SLC7A11: variants seen among roughly 807,000 people sequenced by gnomAD.
SLC7A11 encodes the protein solute carrier family 7 member 11.
In SLC7A11, 35 loss-of-function variants were observed where a neutral mutation model predicts 54.5. The ratio of observed to expected loss-of-function variants is 0.64; its 90% CI spans 0.49 to 0.85. The LOEUF is 0.85. Among genes scored for constraint, SLC7A11 ranks in the 40% least tolerant of loss-of-function variants. SLC7A11 has a pLI of 0.00. For missense variants in SLC7A11, 583 were observed against 618.1 expected, an observed-to-expected ratio of 0.94 and a Z score of 0.60; for synonymous variants, 230 against 225.2, an observed-to-expected ratio of 1.02 and a Z score of -0.19.
At chr4:138,232,689 A>G (rs1410128987) in intron 2 of SLC7A11, among the ~76,000 whole-genome samples, 7 of 152,186 alleles carry the variant, frequency 4.6e-5, no homozygotes. Flanking sequence ...ATCTTGACAG[A>G]GCTAGGCTTA....
chr4:138,188,271 C>T (rs1736924410), intron 6 of SLC7A11, among the ~76,000 whole-genome samples: 1 of 152,126 alleles, frequency 6.6e-6, no homozygotes, highest in African/African-American at 2.4e-5. Context: ...CCATGTTGGC[C>T]AGGCTGTTCT....
chr4:138,214,149 G>A (rs183768273), intron 6 of SLC7A11, among the ~76,000 whole-genome samples: 101 of 151,842 alleles, frequency 6.7e-4, no homozygotes, highest in Middle Eastern at 3.4e-3. Flanking sequence ...GTAACTAGTC[G>A]TCTATTAATT....
At chr4:138,240,824 A>G (rs1196654158) in intron 1 of SLC7A11, among the ~76,000 whole-genome samples, 2 of 152,216 alleles carry the variant, frequency 1.3e-5, no homozygotes, top group African/African-American at 4.8e-5. Flanking sequence ...AATCAAATTT[A>G]ATGTTTGACA....
chr4:138,196,540 C>T (rs1737135913), intron 6 of SLC7A11, among the ~76,000 whole-genome samples: 1 of 151,926 alleles, frequency 6.6e-6, no homozygotes, highest in Non-Finnish European at 1.5e-5. Context: ...TTTGTGTATG[C>T]ATATTTAGAA....
At chr4:138,220,519 A>T (rs2148444010) in intron 4 of SLC7A11, among the ~76,000 whole-genome samples, 1 of 152,292 alleles carries the variant, frequency 6.6e-6, no homozygotes, top group Admixed American at 6.5e-5. Flanking sequence ...AGGTTTCAAC[A>T]AATTTTGCAG....
At position 138,242,060 on chromosome 4, in the gene SLC7A11, T is replaced by G. The variant is rs1738395884; in HGVS notation, c.10A>C (p.Lys4Gln). The change falls in exon 1 of 12, where the codon AAG (lysine) becomes CAG (glutamine). Residue 4 changes from lysine to glutamine, a missense_variant. Lys to Gln is a moderately conservative substitution (Grantham distance 53). Transcript: ENST00000280612. Reference sequence around the variant, plus strand: ...TTGGAGATGGTGGACACAACAGGCTTTCTGACCATAGTAGGGACACACGGG... The same window carrying G: ...TTGGAGATGGTGGACACAACAGGCTGTCTGACCATAGTAGGGACACACGGG... Reference protein sequence around the residue: MVRKPVVSTISKGG... With the variant: MVRQPVVSTISKGG... The G allele has an allele frequency of 6.2e-7, 1 of 1,613,942 alleles. No homozygotes were observed.
intron 3 of SLC7A11, among the ~76,000 whole-genome samples, chr4:138,230,382 G>A (rs527947575): frequency 6.8e-6 from 1 of 146,566 alleles, no homozygotes; most frequent in African/African-American, 2.5e-5. Flanking sequence ...GTAACAAACT[G>A]CACATGTACC....
rs7340842 is a variant in SLC7A11 at position 138,198,806 on chromosome 4, A to C, written c.792-13562T>G. Among the ~76,000 whole-genome samples, 1,139 of 152,314 alleles carry C rather than the reference A, an allele frequency of 7.5e-3. 18 individuals carry two copies. Among genetic ancestry groups the C allele is most frequent in the African/African-American group, 0.025 (1,031 of 41,576 alleles). Reference sequence around the variant, plus strand: ...ACATTAGGAATGTTTTCAATGTCCAACAAGAAAATGAGCACAAGAATATTG... The same window carrying C: ...ACATTAGGAATGTTTTCAATGTCCACCAAGAAAATGAGCACAAGAATATTG... On this transcript the variant is annotated intron_variant, in intron 6 of 11. Transcript: ENST00000280612.
At chr4:138,232,809 C>T (rs1738112347) in intron 2 of SLC7A11, among the ~76,000 whole-genome samples, 2 of 152,208 alleles carry the variant, frequency 1.3e-5, no homozygotes, top group Admixed American at 1.3e-4. Flanking sequence ...AAAGAATGAA[C>T]ACAACACTCA....
rs571874116 is a variant in SLC7A11 at position 138,223,338 on chromosome 4, G to A, written c.521-14C>T. ...CCATCACTACAGCTGCAAACAAATA[G>A]AGGAAGTTACAAAAGGTGAATTCTC... On this transcript the variant is annotated splice_polypyrimidine_tract_variant and intron_variant, in intron 3 of 11. Transcript: ENST00000280612. 4.0e-5 allele frequency: 64 copies of A among 1,611,604 alleles called. No individual in the cohort carries two copies. Among genetic ancestry groups the A allele is most frequent in the Admixed American group, 6.7e-5 (4 of 59,596 alleles).
chr4:138,198,952 C>CATAAGTA (rs1307719757), intron 6 of SLC7A11, among the ~76,000 whole-genome samples: 2 of 152,040 alleles, frequency 1.3e-5, no homozygotes, highest in Non-Finnish European at 2.9e-5. Flanking sequence ...ATCTATAGCA[C>CATAAGTA]ATAAGTAGAA....
At chr4:138,178,186 T>C (rs927997204) in intron 11 of SLC7A11, 4 of 152,166 alleles carry the variant, frequency 2.6e-5, no homozygotes, top group Admixed American at 1.3e-4. Context: ...CCTGTGTCCA[T>C]GTGTCCTCAT....
At chr4:138,226,513 C>T (rs1268783671) in intron 3 of SLC7A11, among the ~76,000 whole-genome samples, 2 of 152,080 alleles carry the variant, frequency 1.3e-5, no homozygotes, top group Non-Finnish European at 2.9e-5. Context: ...TAAATTCCAG[C>T]TGAGATGCCC....
At chr4:138,236,636 A>G (rs1297506682) in intron 1 of SLC7A11, among the ~76,000 whole-genome samples, 185 bp from the exon 2 acceptor site, 1 of 152,196 alleles carries the variant, frequency 6.6e-6, no homozygotes, top group African/African-American at 2.4e-5. Context: ...TTCCTTTTCT[A>G]ACATCCTCAC....
At chr4:138,188,912 C>A (rs1395925358) in intron 6 of SLC7A11, among the ~76,000 whole-genome samples, 1 of 152,188 alleles carries the variant, frequency 6.6e-6, no homozygotes, top group East Asian at 1.9e-4. Context: ...ATACCATTTA[C>A]AAGAGTTACT....
intron 3 of SLC7A11, among the ~76,000 whole-genome samples, chr4:138,223,910 T>C (rs898669774): frequency 2.6e-5 from 4 of 152,190 alleles, no homozygotes; most frequent in Admixed American, 6.5e-5. Flanking sequence ...TTTCAAGATA[T>C]GTTTCAGGGC....
At chr4:138,196,048 G>GTGCC (rs1434060427) in intron 6 of SLC7A11, among the ~76,000 whole-genome samples, 1 of 152,146 alleles carries the variant, frequency 6.6e-6, no homozygotes, top group Non-Finnish European at 1.5e-5. Context: ...AGAAAGTTAA[G>GTGCC]AGGCAGCTTA....
At chr4:138,230,859 ATACT>A (rs1289740893) in intron 3 of SLC7A11, among the ~76,000 whole-genome samples, 1 of 152,210 alleles carries the variant, frequency 6.6e-6, no homozygotes, top group African/African-American at 2.4e-5. Context: ...AAGTCAACAA[ATACT>A]TACTGAGCAC....
intron 1 of SLC7A11, among the ~76,000 whole-genome samples, chr4:138,237,726 TATATATA>T (rs1560742592): frequency 2.3e-3 from 25 of 10,778 alleles, no homozygotes; most frequent in Non-Finnish European, 3.8e-3. Flanking sequence ...TATATATATA[TATATATA>T]TATATTTTTT....
Sources: allele counts gnomAD v4.1 joint callset (sites outside exome capture counted in the v4.1 genomes callset), GRCh38; gene constraint gnomAD v4.1.1; transcripts MANE v1.5; gene names NCBI Gene and HGNC (gene_info 2026-07-23, HGNC 2026-07-21).